NREP: variants seen among roughly 807,000 people sequenced by gnomAD.
The protein encoded by NREP is neuronal regeneration related protein.
Under a neutral mutation model 8.6 loss-of-function variants are expected in NREP, and 5 were observed. That is an observed-to-expected ratio of 0.58 (90% CI 0.30 to 1.22). The LOEUF (loss-of-function observed/expected upper bound fraction) is 1.22, where lower values mean the gene tolerates loss of function less well. Ranked by LOEUF, NREP falls within the 50% of genes most tolerant of loss-of-function variation. The pLI, the probability that NREP is intolerant of heterozygous loss-of-function variation, is 0.07. For synonymous variants in NREP, 27 were observed against 28.0 expected, an observed-to-expected ratio of 0.96 and a Z score of 0.11; for missense variants, 86 against 82.5, an observed-to-expected ratio of 1.04 and a Z score of -0.17.
At chr5:111,959,696 A>C (rs1411209118) in intron 2 of NREP, among the ~76,000 whole-genome samples, 1 of 152,092 alleles carries the variant, frequency 6.6e-6, no homozygotes, top group African/African-American at 2.4e-5. Flanking sequence ...GTATTTGTAT[A>C]TAAAGACATT....
chr5:111,976,756 C>G, exon 1 of NREP: 1 of 1,550,438 alleles, frequency 6.4e-7, no homozygotes. Context: ...CCTGTTACTG[C>G]TTGAGGATAA....
chr5:111,957,695 GTA>G (rs368511077), intron 2 of NREP, among the ~76,000 whole-genome samples: 132 of 150,318 alleles, frequency 8.8e-4, no homozygotes, highest in African/African-American at 2.8e-3. Flanking sequence ...TCATGTGTGT[GTA>G]TATATATATA....
intron 2 of NREP, among the ~76,000 whole-genome samples, chr5:111,929,350 AAAGAG>A (rs547935500): frequency 6.7e-4 from 102 of 152,310 alleles, no homozygotes; most frequent in African/African-American, 2.4e-3. Flanking sequence ...AAAGTGTTTT[AAAGAG>A]GAGAGCCAAT....
chr5:111,924,831 C>T (rs1225844365), intron 2 of NREP, among the ~76,000 whole-genome samples: 3 of 152,148 alleles, frequency 2.0e-5, no homozygotes, highest in Non-Finnish European at 4.4e-5. Context: ...GGCTTGCTCA[C>T]ACCTCTGGGT....
chr5:111,774,956 T>C (rs1242713583), intron 2 of NREP, among the ~76,000 whole-genome samples: 1 of 152,214 alleles, frequency 6.6e-6, no homozygotes, highest in Non-Finnish European at 1.5e-5. Flanking sequence ...TAAATGTCCC[T>C]GGCTGCAAAG....
chr5:111,963,508 G>C (rs757561042), intron 2 of NREP, among the ~76,000 whole-genome samples: 6 of 152,214 alleles, frequency 3.9e-5, no homozygotes, highest in African/African-American at 9.6e-5. Context: ...AACTGAGACA[G>C]TCAATTAAAT....
At chr5:111,951,027 T>G (rs142168348) in intron 2 of NREP, among the ~76,000 whole-genome samples, 173 of 152,268 alleles carry the variant, frequency 1.1e-3, no homozygotes, top group African/African-American at 4.0e-3. Context: ...GGTGTTTGTC[T>G]TTCCCACAGA....
intron 2 of NREP, among the ~76,000 whole-genome samples, chr5:111,797,724 C>T (rs539329043): frequency 2.0e-5 from 3 of 152,250 alleles, no homozygotes; most frequent in South Asian, 4.1e-4. Context: ...GAGCTGGTAG[C>T]GGCCTCAATG....
intron 2 of NREP, among the ~76,000 whole-genome samples, chr5:111,944,188 T>C (rs1231148963): frequency 6.6e-6 from 1 of 152,114 alleles, no homozygotes; most frequent in African/African-American, 2.4e-5. Context: ...AGACCACCAA[T>C]TTTTGTTTTG....
At chr5:111,791,051 T>C (rs1386237808) in intron 2 of NREP, among the ~76,000 whole-genome samples, 5 of 152,168 alleles carry the variant, frequency 3.3e-5, no homozygotes, top group Admixed American at 1.3e-4. Context: ...AGGACTGTAA[T>C]AGAAGATTAA....
chr5:111,951,114 A>C (rs147836509), intron 2 of NREP, among the ~76,000 whole-genome samples: 173 of 152,194 alleles, frequency 1.1e-3, no homozygotes, highest in African/African-American at 4.0e-3. Flanking sequence ...TAAAACTTTA[A>C]ATAAATTGTA....
intron 2 of NREP, among the ~76,000 whole-genome samples, chr5:111,848,955 C>T (rs1753245513): frequency 6.6e-6 from 1 of 152,034 alleles, no homozygotes; most frequent in Admixed American, 6.6e-5. Context: ...GCCTTTCTTC[C>T]TTTGAACTAA....
intron 2 of NREP, 140 bp from the exon 3 acceptor site, chr5:111,735,647 A>C (rs1444676785): frequency 1.1e-5 from 6 of 569,370 alleles, no homozygotes; most frequent in Non-Finnish European, 1.9e-5. Flanking sequence ...GGAAACCATT[A>C]ACTCTTTCAA....
rs369848696 is a variant in NREP at position 111,753,414 on chromosome 5, T to C, written c.3+2356A>G. On this transcript the variant is annotated intron_variant, in intron 2 of 3. Coordinates refer to ENST00000257435, the MANE Select transcript of NREP (RefSeq NM_004772.4). ...TATATATATTTTATAGATATATAAA[T>C]GATACAGAAGGGACTCGAGAATCCT... 1.4e-3 allele frequency among the ~76,000 whole-genome samples: 204 copies of C among 148,550 alleles called. 3 individuals are homozygous for C. The East Asian group carries it at 0.032, about 24-fold the overall frequency.
At chr5:111,734,405 A>G (rs1392986917) in intron 3 of NREP, 1 of 217,806 alleles carries the variant, frequency 4.6e-6, no homozygotes, top group Non-Finnish European at 9.0e-6. Flanking sequence ...CCAGCTCTAC[A>G]AATCAGTGCA....
intron 2 of NREP, among the ~76,000 whole-genome samples, chr5:111,921,751 T>C (rs1167555244): frequency 6.6e-6 from 1 of 152,146 alleles, no homozygotes; most frequent in African/African-American, 2.4e-5. Context: ...TCAACTTGAA[T>C]TGTATCCCCC....
At chr5:111,852,838 T>A (rs756457807) in intron 2 of NREP, among the ~76,000 whole-genome samples, 42 of 152,192 alleles carry the variant, frequency 2.8e-4, no homozygotes, top group Non-Finnish European at 4.8e-4. Flanking sequence ...AAGGTTCAAA[T>A]CTTGGCTCTG....
intron 2 of NREP, among the ~76,000 whole-genome samples, chr5:111,744,416 A>C (rs1303344108): frequency 6.6e-6 from 1 of 152,172 alleles, no homozygotes; most frequent in African/African-American, 2.4e-5. Flanking sequence ...TCTGGTAAGA[A>C]TTCTGACTTT....
At chr5:111,738,016 G>A (rs1749301359) in intron 2 of NREP, among the ~76,000 whole-genome samples, 1 of 152,160 alleles carries the variant, frequency 6.6e-6, no homozygotes, top group Admixed American at 6.5e-5. Flanking sequence ...GCCAAAAATG[G>A]CAGGGACAGA....
Sources: gnomAD v4.1 joint callset for allele counts (sites outside exome capture counted in the v4.1 genomes callset) on GRCh38, gnomAD v4.1.1 for gene constraint, MANE v1.5 for transcripts, NCBI Gene and HGNC (gene_info 2026-07-23, HGNC 2026-07-21) for gene names.